RAB38: variants seen among roughly 807,000 people sequenced by gnomAD.
The protein encoded by RAB38 is ras-related protein Rab-38.
Under a neutral mutation model 18.4 loss-of-function variants are expected in RAB38, and 15 were observed. That is an observed-to-expected ratio of 0.82 (90% CI 0.55 to 1.26). RAB38 has a LOEUF of 1.26. RAB38 is among the 50% of genes most tolerant of loss of function. The pLI is 0.00. For missense variants in RAB38, 294 were observed against 267.4 expected, an observed-to-expected ratio of 1.10 and a Z score of -0.69; for synonymous variants, 101 against 104.4, an observed-to-expected ratio of 0.97 and a Z score of 0.20.
the RAB38 span, among the ~76,000 whole-genome samples, chr11:88,034,161 T>A: frequency 1.3e-5 from 2 of 152,374 alleles, no homozygotes; most frequent in African/African-American, 4.8e-5. Context: ...ATGTAACCAT[T>A]TGGGATTCGC....
At chr11:88,140,557 C>T (rs1483904948) in intron 2 of RAB38, among the ~76,000 whole-genome samples, 1 of 152,162 alleles carries the variant, frequency 6.6e-6, no homozygotes, top group Non-Finnish European at 1.5e-5. Context: ...ATAAGGAAAT[C>T]ATCTTAACAT....
chr11:88,111,458 T>C (rs1017304521), downstream of RAB38, among the ~76,000 whole-genome samples: 2 of 152,212 alleles, frequency 1.3e-5, no homozygotes, highest in African/African-American at 4.8e-5. Context: ...TGTAGATTTA[T>C]TGGAACCCTT....
At chr11:88,013,356 A>G in the RAB38 span, among the ~76,000 whole-genome samples, 3 of 152,144 alleles carry the variant, frequency 2.0e-5, no homozygotes, top group Admixed American at 6.5e-5. Context: ...CAGAGTAAGT[A>G]TATGTTCAAC....
chr11:88,143,230 A>G (rs1022953521), intron 2 of RAB38, among the ~76,000 whole-genome samples: 3 of 152,262 alleles, frequency 2.0e-5, no homozygotes, highest in Admixed American at 2.0e-4. Context: ...TACTTACTGT[A>G]TAAGATTATT....
chr11:88,157,883 A>G (rs1293151543), intron 1 of RAB38, among the ~76,000 whole-genome samples: 1 of 152,112 alleles, frequency 6.6e-6, no homozygotes, highest in African/African-American at 2.4e-5. Context: ...AGTTAGAAAG[A>G]TCTTAAATTG....
chr11:87,890,944 C>G, the RAB38 span, among the ~76,000 whole-genome samples: 1 of 151,828 alleles, frequency 6.6e-6, no homozygotes, highest in Non-Finnish European at 1.5e-5. Flanking sequence ...AAGATAGCAA[C>G]AGCAGAGCAT....
chr11:87,821,800 G>A, the RAB38 span, among the ~76,000 whole-genome samples: 1 of 149,946 alleles, frequency 6.7e-6, no homozygotes, highest in African/African-American at 2.5e-5. Context: ...GCAGTGAGCC[G>A]AGATCCCGCC....
the RAB38 span, among the ~76,000 whole-genome samples, chr11:88,013,092 G>C: frequency 6.6e-6 from 1 of 152,110 alleles, no homozygotes; most frequent in Non-Finnish European, 1.5e-5. Flanking sequence ...ATTCTGTAGG[G>C]ATAGTAATAC....
At chr11:88,031,321 G>C in the RAB38 span, among the ~76,000 whole-genome samples, 1 of 149,120 alleles carries the variant, frequency 6.7e-6, no homozygotes, top group Non-Finnish European at 1.5e-5. Context: ...ACTGGCACAA[G>C]ACAGGGATGT....
chr11:88,102,706 T>A, the RAB38 span, among the ~76,000 whole-genome samples: 234 of 152,098 alleles, frequency 1.5e-3, no homozygotes, highest in African/African-American at 5.5e-3. Context: ...AATGCTAGGA[T>A]TTGAATGTAG....
the RAB38 span, among the ~76,000 whole-genome samples, chr11:88,036,667 G>C: frequency 6.6e-6 from 1 of 151,906 alleles, no homozygotes; most frequent in Non-Finnish European, 1.5e-5. Context: ...TCAACATAGA[G>C]GTAGGGTCAC....
chr11:88,156,688 C>T (rs1943130396), intron 1 of RAB38, among the ~76,000 whole-genome samples: 1 of 150,158 alleles, frequency 6.7e-6, no homozygotes, highest in Non-Finnish European at 1.5e-5. Context: ...GGCGACAGAG[C>T]AAGACTTTGT....
the RAB38 span, among the ~76,000 whole-genome samples, chr11:87,842,280 A>G: frequency 6.6e-6 from 1 of 152,188 alleles, no homozygotes; most frequent in Admixed American, 6.5e-5. Context: ...GAGACAATGG[A>G]GCATCATTAA....
At chr11:88,044,286 A>G in the RAB38 span, among the ~76,000 whole-genome samples, 1 of 151,720 alleles carries the variant, frequency 6.6e-6, no homozygotes, top group Non-Finnish European at 1.5e-5. Context: ...GTGGGGAGGA[A>G]CCCCCGACCC....
chr11:88,078,345 T>C, the RAB38 span, among the ~76,000 whole-genome samples: 1 of 151,990 alleles, frequency 6.6e-6, no homozygotes, highest in African/African-American at 2.4e-5. Flanking sequence ...ATTCAATCTA[T>C]TGAAGATATA....
chr11:87,900,116 T>G, the RAB38 span, among the ~76,000 whole-genome samples: 1 of 151,784 alleles, frequency 6.6e-6, no homozygotes, highest in South Asian at 2.1e-4. Context: ...GAAAGATATG[T>G]AACTATAAGA....
chr11:88,142,629 T>C (rs1942930053), intron 2 of RAB38, among the ~76,000 whole-genome samples: 1 of 152,266 alleles, frequency 6.6e-6, no homozygotes, highest in Non-Finnish European at 1.5e-5. Context: ...GGGATTCTAA[T>C]TTGAGTTCTG....
the RAB38 span, among the ~76,000 whole-genome samples, chr11:88,041,325 A>G: frequency 6.6e-6 from 1 of 152,166 alleles, no homozygotes; most frequent in African/African-American, 2.4e-5. Flanking sequence ...ATTTGCACAT[A>G]TGTATCTCCA....
the RAB38 span, among the ~76,000 whole-genome samples, chr11:87,916,650 G>A: frequency 5.9e-5 from 9 of 152,140 alleles, no homozygotes; most frequent in South Asian, 1.9e-3. Flanking sequence ...CAAGTATTCT[G>A]TTATAGCAAT....
Sources: gnomAD v4.1 joint callset for allele counts (sites outside exome capture counted in the v4.1 genomes callset) on GRCh38, gnomAD v4.1.1 for gene constraint, MANE v1.5 for transcripts, NCBI Gene and HGNC (gene_info 2026-07-23, HGNC 2026-07-21) for gene names.